Variants in SEC11A observed in about 807,000 individuals in gnomAD.
SEC11A encodes SEC11 homolog A, signal peptidase complex subunit.
Under a neutral mutation model 25.6 loss-of-function variants are expected in SEC11A, and 14 were observed. The observed-to-expected ratio is 0.55, with a 90% CI of 0.36 to 0.85. SEC11A has a LOEUF of 0.85. Ranked by LOEUF, SEC11A falls within the 40% of genes least tolerant of loss-of-function variation. SEC11A has a pLI of 0.01. For synonymous variants in SEC11A, 83 were observed against 76.4 expected (o/e 1.09, Z -0.45); for missense variants, 153 against 222.9 (o/e 0.69, Z 2.00).
intron 1 of SEC11A, among the ~76,000 whole-genome samples, chr15:84,711,851 C>CCT (rs1187406522): frequency 6.7e-6 from 1 of 149,654 alleles, no homozygotes. Flanking sequence ...TAGTATATGA[C>CCT]TATTAGCTAA....
intron 1 of SEC11A, among the ~76,000 whole-genome samples, chr15:84,711,554 A>C (rs1898266942): frequency 6.6e-6 from 1 of 152,138 alleles, no homozygotes. Flanking sequence ...ACAGTGGCTC[A>C]TGCCTGTAAC....
intron 1 of SEC11A, among the ~76,000 whole-genome samples, chr15:84,709,582 A>T (rs973381203): frequency 6.6e-6 from 1 of 152,056 alleles, no homozygotes; most frequent in Non-Finnish European, 1.5e-5. Flanking sequence ...AGCTGGGATT[A>T]CAGGTGCACA....
chr15:84,672,783 G>A (rs1296157328), intron 4 of SEC11A: 6 of 207,788 alleles, frequency 2.9e-5, no homozygotes, highest in Admixed American at 5.8e-5. Flanking sequence ...AGTGAGGACC[G>A]TCTCTGCCCG....
chr15:84,690,102 C>T (rs1218888331), intron 2 of SEC11A, among the ~76,000 whole-genome samples: 2 of 152,144 alleles, frequency 1.3e-5, no homozygotes, highest in Non-Finnish European at 2.9e-5. Context: ...ATCCTATCTG[C>T]TACGGTTTGG....
chr15:84,707,554 C>A (rs1898133580), intron 1 of SEC11A, among the ~76,000 whole-genome samples: 4 of 152,122 alleles, frequency 2.6e-5, no homozygotes, highest in Admixed American at 1.3e-4. Flanking sequence ...AGACTAAACC[C>A]TGGCTGATAA....
chr15:84,711,853 AT>A (rs1264315143), intron 1 of SEC11A, among the ~76,000 whole-genome samples: 1 of 151,792 alleles, frequency 6.6e-6, no homozygotes. Context: ...GTATATGACT[AT>A]TAGCTAAAAG....
chr15:84,682,333 T>C (rs1327411992), intron 3 of SEC11A, among the ~76,000 whole-genome samples: 1 of 152,212 alleles, frequency 6.6e-6, no homozygotes, highest in Non-Finnish European at 1.5e-5. Context: ...TCTTCTTTTT[T>C]CTCTAACAAA....
chr15:84,715,736 C>T (rs543475210), intron 1 of SEC11A, among the ~76,000 whole-genome samples: 1 of 152,338 alleles, frequency 6.6e-6, no homozygotes, highest in South Asian at 2.1e-4. Flanking sequence ...ACCCCAACTC[C>T]CACTTCAAGC....
chr15:84,700,708 C>A (rs148356662), intron 1 of SEC11A, among the ~76,000 whole-genome samples: 1 of 147,298 alleles, frequency 6.8e-6, no homozygotes, highest in Non-Finnish European at 1.5e-5. Context: ...AGGCCAGGCG[C>A]GGTGGCTCAC....
intron 3 of SEC11A, among the ~76,000 whole-genome samples, chr15:84,682,845 A>G (rs1897315448): frequency 6.6e-6 from 1 of 152,246 alleles, no homozygotes; most frequent in African/African-American, 2.4e-5. Flanking sequence ...AAAGCAAAGT[A>G]TATTTTACAG....
At chr15:84,681,056 T>C (rs2141879645) in intron 3 of SEC11A, among the ~76,000 whole-genome samples, 1 of 152,310 alleles carries the variant, frequency 6.6e-6, no homozygotes, top group East Asian at 1.9e-4. Flanking sequence ...AAATATTATG[T>C]AAACATTAAA....
chr15:84,691,630 G>T lies in SEC11A; in HGVS notation c.66C>A (p.Val22=). 1 of 1,605,376 alleles carries T rather than the reference G, an allele frequency of 6.2e-7. No homozygotes were observed. The highest frequency in any genetic ancestry group is 8.5e-7 in the Non-Finnish European group (1 of 1,172,318). Reference sequence around the variant, plus strand: ...ATGAGACAATCATTCCAAAATTTAGGACTTGATAATAGAGCTGCAAGAACA... The same window carrying T: ...ATGAGACAATCATTCCAAAATTTAGTACTTGATAATAGAGCTGCAAGAACA... The part of the protein sequence containing the change: ...RMNKRQLYYQ[V]LNFGMIVSSA... Residue 22 remains valine (V), a synonymous_variant, in exon 2 of 6, where the codon GTC becomes GTA. Transcript: ENST00000268220.
intron 1 of SEC11A, among the ~76,000 whole-genome samples, chr15:84,708,993 T>C (rs1181783984): frequency 2.0e-5 from 3 of 151,816 alleles, no homozygotes; most frequent in Admixed American, 6.6e-5. Context: ...AATCAAGCAA[T>C]ATAAGTGGCC....
chr15:84,688,164 T>C (rs1216134612), intron 2 of SEC11A, among the ~76,000 whole-genome samples: 1 of 152,240 alleles, frequency 6.6e-6, no homozygotes, highest in Non-Finnish European at 1.5e-5. Context: ...TATTCAGATA[T>C]GCAAATGAGA....
At chr15:84,691,721 G>T in intron 1 of SEC11A, 77 bp from the exon 2 acceptor site, 2 of 811,650 alleles carry the variant, frequency 2.5e-6, no homozygotes, top group Non-Finnish European at 4.2e-6. Context: ...GTAACAATTT[G>T]AAAGTTTCAA....
intron 3 of SEC11A, among the ~76,000 whole-genome samples, chr15:84,681,835 G>A (rs1301613305): frequency 6.6e-6 from 1 of 152,068 alleles, no homozygotes; most frequent in African/African-American, 2.4e-5. Context: ...AGCATTTTAA[G>A]AGGCCAAGGT....
intron 4 of SEC11A, among the ~76,000 whole-genome samples, chr15:84,678,834 A>C (rs866843448): frequency 3.9e-5 from 6 of 152,038 alleles, no homozygotes; most frequent in Admixed American, 6.6e-5. Flanking sequence ...CTCTACTAAA[A>C]ATACAAAAAA....
chr15:84,689,194 T>C (rs1330086224), intron 2 of SEC11A, among the ~76,000 whole-genome samples: 1 of 151,936 alleles, frequency 6.6e-6, no homozygotes, highest in African/African-American at 2.4e-5. Context: ...AAAAAAAAAT[T>C]AGCCAAGTGT....
At chr15:84,676,521 C>A (rs1200112326) in intron 4 of SEC11A, among the ~76,000 whole-genome samples, 1 of 151,144 alleles carries the variant, frequency 6.6e-6, no homozygotes, top group Non-Finnish European at 1.5e-5. Context: ...CATCTGTAAT[C>A]CCAGCACTTT....
Sources: allele counts gnomAD v4.1 joint callset (sites outside exome capture counted in the v4.1 genomes callset), GRCh38; gene constraint gnomAD v4.1.1; transcripts MANE v1.5; gene names NCBI Gene and HGNC (gene_info 2026-07-23, HGNC 2026-07-21).